VPS36: variants seen among roughly 807,000 people sequenced by gnomAD.
VPS36 encodes the protein vacuolar protein-sorting-associated protein 36.
In VPS36, 31 loss-of-function variants were observed where a neutral mutation model predicts 63.5. That is an observed-to-expected ratio of 0.49 (90% confidence interval 0.37 to 0.66). The LOEUF is 0.66. Ranked by LOEUF, VPS36 falls within the 30% of genes least tolerant of loss-of-function variation. The pLI is 0.00. For missense variants in VPS36, 338 were observed against 463.7 expected (o/e 0.73, Z 2.49); for synonymous variants, 138 against 157.2 (o/e 0.88, Z 0.91).
intron 10 of VPS36, among the ~76,000 whole-genome samples, chr13:52,422,657 G>C (rs1958058293): frequency 6.6e-6 from 1 of 152,160 alleles, no homozygotes; most frequent in South Asian, 2.1e-4. Context: ...TGGGTATTTG[G>C]CTTTCGTTGC....
chr13:52,433,240 T>C (rs1344404902), intron 6 of VPS36, among the ~76,000 whole-genome samples: 1 of 152,220 alleles, frequency 6.6e-6, no homozygotes, highest in Non-Finnish European at 1.5e-5. Flanking sequence ...TACTGATGTC[T>C]GGTCTGATCC....
At chr13:52,448,683 T>C (rs1003507191) in intron 1 of VPS36, among the ~76,000 whole-genome samples, 5 of 152,264 alleles carry the variant, frequency 3.3e-5, no homozygotes, top group Non-Finnish European at 7.3e-5. Flanking sequence ...CATATAAAAC[T>C]ACTAATGGTT....
At chr13:52,417,219 A>C in intron 11 of VPS36, 78 bp from the exon 12 acceptor site, 1 of 1,250,352 alleles carries the variant, frequency 8.0e-7, no homozygotes, top group Middle Eastern at 1.9e-4. Context: ...CATCTTTTAT[A>C]CCTTCTTTTA....
At chr13:52,428,273 AT>A (rs1392395209) in intron 6 of VPS36, among the ~76,000 whole-genome samples, 5 of 152,272 alleles carry the variant, frequency 3.3e-5, no homozygotes, top group African/African-American at 1.2e-4. Flanking sequence ...ATCTTATCTA[AT>A]TGATGCATAC....
At chr13:52,437,202 C>T (rs1958227910) in intron 3 of VPS36, among the ~76,000 whole-genome samples, 1 of 151,898 alleles carries the variant, frequency 6.6e-6, no homozygotes, top group Non-Finnish European at 1.5e-5. Flanking sequence ...TTTTACTTTT[C>T]TTTTTTTGGA....
At position 52,436,249 on chromosome 13, in the gene VPS36, A is replaced by G. The variant is rs200867412; in HGVS notation, c.351+41T>C. On this transcript the variant is annotated intron_variant, in intron 4 of 13. Transcript: ENST00000378060. ...CACACACACACACACACACACACAC[A>G]CACACCTTTCTAGTACGATTTTATT... 1,538 of 1,413,116 alleles carry G rather than the reference A, an allele frequency of 1.1e-3. 12 individuals are homozygous for G. In the African/African-American group the frequency reaches 0.02, roughly 18 times the overall value. The allele number at this position is 1,413,116 out of a possible 1,614,324, so 87.5% of individuals were successfully genotyped here. A position where few individuals can be genotyped will look rare whatever the true frequency, so the allele number is the denominator to read the frequency against.
chr13:52,417,110 T>G lies in VPS36; in HGVS notation c.937A>C (p.Ile313Leu). 1 of 1,614,046 alleles carries G rather than the reference T, an allele frequency of 6.2e-7. No individual in the cohort carries two copies. The change falls in exon 12 of 14, where the codon ATT becomes CTT. Residue 313 changes from isoleucine to leucine, a missense_variant. By Grantham distance (5) the Ile-to-Leu change is conservative. Coordinates refer to ENST00000378060, the MANE Select transcript of VPS36 (RefSeq NM_016075.4). ...LRVFDSGVMV[I>L]ELQSHKEEEM... ...TCTTCCTTGTGAGACTGAAGCTCAA[T>G]TACCATGACGCCACTGTCAAACACA...
At chr13:52,439,250 A>G in intron 2 of VPS36, 82 bp from the exon 3 acceptor site, 1 of 1,133,710 alleles carries the variant, frequency 8.8e-7, no homozygotes, top group Non-Finnish European at 1.3e-6. Context: ...TTATAGCATT[A>G]CAGTGCCATA....
chr13:52,450,095 C>T (rs1248803432), intron 1 of VPS36: 1 of 989,570 alleles, frequency 1.0e-6, no homozygotes, highest in Non-Finnish European at 1.2e-6. Context: ...GTGCCGACGC[C>T]GAGGTTGGTG....
At chr13:52,446,249 G>C (rs61959669) in intron 1 of VPS36, among the ~76,000 whole-genome samples, 5,909 of 148,194 alleles carry the variant, frequency 0.04, 131 homozygotes, top group South Asian at 0.069. Context: ...CTGAGCAACA[G>C]AGCGAGATTC....
At chr13:52,434,727 T>C in intron 5 of VPS36, 66 bp downstream of exon 5, 6 of 1,418,114 alleles carry the variant, frequency 4.2e-6, no homozygotes, top group Non-Finnish European at 5.9e-6. Flanking sequence ...TCACAGAGTC[T>C]TTTTCTTAAT....
chr13:52,439,400 A>G (rs1171413578), intron 2 of VPS36, among the ~76,000 whole-genome samples: 1 of 152,122 alleles, frequency 6.6e-6, no homozygotes. Context: ...AGCTGTAACT[A>G]GCTTTTGTTT....
intron 1 of VPS36, among the ~76,000 whole-genome samples, chr13:52,448,299 G>C (rs1313511461): frequency 6.6e-6 from 1 of 152,218 alleles, no homozygotes; most frequent in African/African-American, 2.4e-5. Context: ...GCTAATGTGT[G>C]TAACCTTGTA....
intron 1 of VPS36, among the ~76,000 whole-genome samples, chr13:52,444,384 C>T (rs182039907): frequency 0.017 from 2,592 of 151,660 alleles, 74 homozygotes; most frequent in Admixed American, 0.08. Context: ...GGCATGAACC[C>T]GGGAGGCGGA....
Position 52,439,982 on chromosome 13 carries a change from A to AT in VPS36, c.166-815dup, listed in dbSNP as rs1175787551. 7.5e-3 allele frequency among the ~76,000 whole-genome samples: 1,085 copies of AT among 145,042 alleles called. 8 individuals are homozygous for AT. The highest frequency in any genetic ancestry group is 0.019 in the African/African-American group (740 of 39,746). On this transcript the variant is annotated intron_variant, in intron 2 of 13. Transcript: ENST00000378060. ...TAGTATCCCTTTATTCATATGTTTA[A>AT]TTTTTTTTTTTTTTGAGATGGAGTC...
At chr13:52,433,569 T>C (rs1958182049) in intron 6 of VPS36, 93 bp downstream of exon 6, 1 of 1,043,990 alleles carries the variant, frequency 9.6e-7, no homozygotes, top group Non-Finnish European at 1.4e-6. Context: ...ATGAAATATA[T>C]TCTAAATTAC....
At chr13:52,436,218 AACACAC>A (rs150816705) in intron 4 of VPS36, 66 bp downstream of exon 4, 7,076 of 643,362 alleles carry the variant, frequency 0.011, 15 homozygotes, top group African/African-American at 0.024. Context: ...AACAAGCCAC[AACACAC>A]ACACACACAC....
chr13:52,429,373 G>T, intron 6 of VPS36: 2 of 861,608 alleles, frequency 2.3e-6, no homozygotes, highest in Non-Finnish European at 2.8e-6. Context: ...ATCTGCTAGA[G>T]CCTATTCATC....
intron 5 of VPS36, 40 bp downstream of exon 5, chr13:52,434,753 G>A (rs770236040): frequency 6.5e-7 from 1 of 1,545,590 alleles, no homozygotes; most frequent in Non-Finnish European, 8.9e-7. Flanking sequence ...TGTAAGTACA[G>A]AGTTGAAAAT....
Sources: allele counts gnomAD v4.1 joint callset (sites outside exome capture counted in the v4.1 genomes callset), GRCh38; gene constraint gnomAD v4.1.1; transcripts MANE v1.5; gene names NCBI Gene and HGNC (gene_info 2026-07-23, HGNC 2026-07-21).